Variants in TLCD4 observed in about 807,000 individuals in gnomAD.
The protein encoded by TLCD4 is TLC domain-containing protein 4.
Under a neutral mutation model 24.2 loss-of-function variants are expected in TLCD4, and 7 were observed. That is an observed-to-expected ratio of 0.29 (90% confidence interval 0.16 to 0.54). TLCD4 has a LOEUF of 0.54. Ranked by LOEUF, TLCD4 falls within the 20% of genes least tolerant of loss-of-function variation. The pLI is 0.95. For missense variants in TLCD4, 259 were observed against 313.9 expected (o/e 0.82, Z 1.32); for synonymous variants, 103 against 106.4 (o/e 0.97, Z 0.20).
At position 95,136,185 on chromosome 1, in the gene TLCD4, T is replaced by G. The variant is rs112491663; in HGVS notation, c.-11-7706T>G. Among the ~76,000 whole-genome samples, 6 of 152,266 alleles carry G rather than the reference T, an allele frequency of 3.9e-5. No individual in the cohort carries two copies. The East Asian group carries it at 1.2e-3, about 29-fold the overall frequency. On this transcript the variant is annotated intron_variant, in intron 1 of 6. Transcript: ENST00000370203. Reference sequence around the variant, plus strand: ...GTAATTAATTGGGAGTATATGGGACTGATGCTTGATCAAAAGATGCACTTC... The same window carrying G: ...GTAATTAATTGGGAGTATATGGGACGGATGCTTGATCAAAAGATGCACTTC...
At chr1:95,184,024 T>C (rs1678743576) in intron 6 of TLCD4, among the ~76,000 whole-genome samples, 1 of 152,158 alleles carries the variant, frequency 6.6e-6, no homozygotes. Flanking sequence ...TTAATGTTTA[T>C]TAAATACAAA....
intron 6 of TLCD4, among the ~76,000 whole-genome samples, chr1:95,180,102 A>G (rs1446478374): frequency 6.6e-6 from 1 of 152,216 alleles, no homozygotes; most frequent in African/African-American, 2.4e-5. Flanking sequence ...TCTGGCATGT[A>G]GTAGCCATTT....
intron 6 of TLCD4, among the ~76,000 whole-genome samples, chr1:95,175,260 A>AT (rs1394370011): frequency 6.6e-6 from 1 of 152,190 alleles, no homozygotes; most frequent in Non-Finnish European, 1.5e-5. Context: ...ATTTTGACTA[A>AT]ATAATTCATA....
At chr1:95,170,284 A>G (rs74103688) in intron 5 of TLCD4, among the ~76,000 whole-genome samples, 3,560 of 151,902 alleles carry the variant, frequency 0.023, 104 homozygotes, top group African/African-American at 0.066. Flanking sequence ...TGTTTATTAC[A>G]TACATGAATC....
intron 6 of TLCD4, among the ~76,000 whole-genome samples, chr1:95,185,051 A>G (rs1469263300): frequency 6.6e-6 from 1 of 150,756 alleles, no homozygotes; most frequent in Admixed American, 6.6e-5. Flanking sequence ...TTTAAATTAT[A>G]CTTTAAGTTT....
At chr1:95,102,300 G>T in the TLCD4 span, among the ~76,000 whole-genome samples, 2 of 152,156 alleles carry the variant, frequency 1.3e-5, no homozygotes, top group Admixed American at 1.3e-4. Context: ...GAGGAAAAGG[G>T]TGGTATACAG....
chr1:95,113,209 C>G (rs1042021261), upstream of TLCD4, among the ~76,000 whole-genome samples: 1 of 151,850 alleles, frequency 6.6e-6, no homozygotes, highest in Admixed American at 6.6e-5. Context: ...AGCCCAGCTA[C>G]TTTTCGTATT....
intron 1 of TLCD4, among the ~76,000 whole-genome samples, chr1:95,118,810 A>T (rs1370932086): frequency 6.6e-6 from 1 of 152,194 alleles, no homozygotes; most frequent in Non-Finnish European, 1.5e-5. Flanking sequence ...GGCGAAACGA[A>T]ATTAGAAAAG....
At chr1:95,107,348 A>G in the TLCD4 span, among the ~76,000 whole-genome samples, 1 of 152,128 alleles carries the variant, frequency 6.6e-6, no homozygotes, top group Non-Finnish European at 1.5e-5. Flanking sequence ...GCGTGAACCC[A>G]GGAGGCGAAG....
At chr1:95,187,993 C>T (rs547179825) in intron 6 of TLCD4, among the ~76,000 whole-genome samples, 5 of 152,090 alleles carry the variant, frequency 3.3e-5, no homozygotes, top group Non-Finnish European at 5.9e-5. Context: ...GGCACTGGTC[C>T]TATTGGATTG....
the TLCD4 span, among the ~76,000 whole-genome samples, chr1:95,109,912 C>CATAT: frequency 1.5e-4 from 12 of 80,258 alleles, no homozygotes; most frequent in Non-Finnish European, 2.1e-4. Context: ...TGTGTGTATG[C>CATAT]ATATATATAT....
intron 5 of TLCD4, chr1:95,164,608 C>G (rs2100972843): frequency 6.6e-6 from 1 of 152,306 alleles, no homozygotes; most frequent in Non-Finnish European, 1.5e-5. Context: ...GGAGCTGGTC[C>G]TATTCGGCCA....
At chr1:95,151,971 G>A (rs1677506089) in intron 5 of TLCD4, among the ~76,000 whole-genome samples, 2 of 151,948 alleles carry the variant, frequency 1.3e-5, no homozygotes, top group Admixed American at 6.6e-5. Context: ...ATGTAAACTA[G>A]CAACTTTATA....
rs1010706532 is a variant in TLCD4, at chr1:95,197,492, C to T, written c.*5624C>T. The T allele has an allele frequency of 5.3e-5, 8 of 152,000 alleles. No individual in the cohort carries two copies. The highest frequency in any genetic ancestry group is 2.9e-5 in the Non-Finnish European group (2 of 68,000). 9.4% of individuals were successfully genotyped at this position (152,000 alleles called of 1,614,324 possible). A position where few individuals can be genotyped will look rare whatever the true frequency, so the allele number is the denominator to read the frequency against. ...AACACCCTGTAAATTACCCTTCTCC[C>T]CCTCCCCTCCATGAAAACCTTGGGA... On this transcript the variant is annotated 3_prime_UTR_variant, in exon 7 of 7. Transcript: ENST00000370203.
At chr1:95,130,796 A>C (rs1676869951) in intron 1 of TLCD4, among the ~76,000 whole-genome samples, 3 of 152,240 alleles carry the variant, frequency 2.0e-5, no homozygotes, top group Admixed American at 2.0e-4. Context: ...CAGGTTGTAC[A>C]TGAAACTTTT....
intron 1 of TLCD4, among the ~76,000 whole-genome samples, chr1:95,135,214 T>A (rs558505552): frequency 6.6e-6 from 1 of 152,162 alleles, no homozygotes; most frequent in East Asian, 1.9e-4. Context: ...GTTTGCAGAG[T>A]CCTCTGAAAG....
intron 5 of TLCD4, 111 bp from the exon 6 acceptor site, chr1:95,173,705 T>G: frequency 1.4e-6 from 2 of 1,382,836 alleles, no homozygotes; most frequent in African/African-American, 1.4e-5. Context: ...CTTGATCTGT[T>G]TTGGTATTGA....
upstream of TLCD4, among the ~76,000 whole-genome samples, chr1:95,114,718 T>C (rs1225134088): frequency 2.0e-5 from 3 of 151,622 alleles, no homozygotes; most frequent in South Asian, 2.1e-4. Context: ...TGATCCCAGG[T>C]ATTCGGGAGG....
In TLCD4 at chr1:95,173,837, A is replaced by T. The variant is rs771029666; in HGVS notation, c.421A>T (p.Ile141Phe). 1 of 1,614,166 alleles carries T rather than the reference A, an allele frequency of 6.2e-7. No individual in the cohort carries two copies. The highest frequency in any genetic ancestry group is 8.5e-7 in the Non-Finnish European group (1 of 1,180,032). Residue 141 changes from isoleucine to phenylalanine, a missense_variant, in exon 6 of 7, where the codon ATT (isoleucine) becomes TTT (phenylalanine). Physicochemically the swap from Ile to Phe is conservative, Grantham distance 21 (BLOSUM62 0). Transcript: ENST00000370203. ...TCAGAAAAATGGAGTGCTGGCATAC[A>T]TTGGGAATTTTCGCCTGCTTGCAGA... Reference protein sequence around the residue: ...LVLKNGVLAYIGNFRLLAELS... With the variant: ...LVLKNGVLAYFGNFRLLAELS...
Sources: allele counts gnomAD v4.1 joint callset (sites outside exome capture counted in the v4.1 genomes callset), GRCh38; gene constraint gnomAD v4.1.1; transcripts MANE v1.5; gene names NCBI Gene and HGNC (gene_info 2026-07-23, HGNC 2026-07-21).